The following RAPGEF4 variants were observed in gnomAD, a reference collection of about 807,000 sequenced individuals.
RAPGEF4 encodes Rap guanine nucleotide exchange factor 4.
RAPGEF4 carries 66 observed loss-of-function variants against 147.9 expected under a neutral mutation model. That is an observed-to-expected ratio of 0.45 (90% CI 0.37 to 0.55). RAPGEF4 has a LOEUF of 0.55. RAPGEF4 is among the 20% of genes least tolerant of loss of function. The pLI, the probability that RAPGEF4 is intolerant of heterozygous loss-of-function variation, is 0.00. For missense variants in RAPGEF4, 1,071 were observed against 1,257.3 expected, an observed-to-expected ratio of 0.85 and a Z score of 2.24; for synonymous variants, 419 against 442.7, an observed-to-expected ratio of 0.95 and a Z score of 0.67.
At chr2:173,019,892 T>C (rs75266946) in intron 22 of RAPGEF4, among the ~76,000 whole-genome samples, 8,447 of 152,268 alleles carry the variant, frequency 0.055, 329 homozygotes, top group South Asian at 0.12. Flanking sequence ...CCCACCCCTG[T>C]GATATTTTTT....
At chr2:172,991,003 T>C in intron 15 of RAPGEF4, 78 bp downstream of exon 15, 1 of 1,106,070 alleles carries the variant, frequency 9.0e-7, no homozygotes, top group South Asian at 1.4e-5. Context: ...TACAATAGCA[T>C]GTTCTCCTTT....
intron 23 of RAPGEF4, among the ~76,000 whole-genome samples, chr2:173,023,943 C>T (rs16861191): frequency 0.081 from 12,275 of 152,236 alleles, 505 homozygotes; most frequent in Middle Eastern, 0.14. Context: ...GAGAGGCAGT[C>T]GTAAACCCTA....
intron 4 of RAPGEF4, among the ~76,000 whole-genome samples, chr2:172,886,868 G>A (rs1157653978): frequency 6.6e-6 from 1 of 152,062 alleles, no homozygotes; most frequent in African/African-American, 2.4e-5. Context: ...CCACTTTTAC[G>A]TGGGAAAGCA....
intron 30 of RAPGEF4, among the ~76,000 whole-genome samples, chr2:173,049,066 A>T (rs905539668): frequency 6.6e-6 from 1 of 152,172 alleles, no homozygotes; most frequent in Non-Finnish European, 1.5e-5. Flanking sequence ...AGGAAAGATA[A>T]TATTTATTGT....
At chr2:173,028,215 G>A (rs536320400) in intron 25 of RAPGEF4, among the ~76,000 whole-genome samples, 74 of 152,338 alleles carry the variant, frequency 4.9e-4, no homozygotes, top group African/African-American at 1.7e-3. Context: ...CTGTTAATAT[G>A]GCAAAGCTGG....
At position 172,976,695 on chromosome 2, in the gene RAPGEF4, A is replaced by G. The variant is rs142880764; in HGVS notation, c.1005-6801A>G. Among the ~76,000 whole-genome samples the G allele has an allele frequency of 5.1e-3, 776 of 152,330 alleles. 4 individuals are homozygous for G. The highest frequency in any genetic ancestry group is 8.9e-3 in the Non-Finnish European group (607 of 68,022). On this transcript the variant is annotated intron_variant, in intron 10 of 30. Transcript: ENST00000397081. Reference sequence around the variant, plus strand: ...CTGGAATATTTGCTTTCTTACCTGCATATTTTACTATGGGCCATGCCAATG... The same window carrying G: ...CTGGAATATTTGCTTTCTTACCTGCGTATTTTACTATGGGCCATGCCAATG...
chr2:173,008,661 C>T (rs1336979578), intron 17 of RAPGEF4, among the ~76,000 whole-genome samples: 2 of 151,922 alleles, frequency 1.3e-5, no homozygotes, highest in African/African-American at 4.8e-5. Context: ...TATTTTATTC[C>T]CTGTTGTAGG....
chr2:173,002,149 G>A (rs957246467), intron 17 of RAPGEF4, among the ~76,000 whole-genome samples: 2 of 152,194 alleles, frequency 1.3e-5, no homozygotes, highest in East Asian at 1.9e-4. Flanking sequence ...TTCCTCCTCC[G>A]AGCTATGGTA....
At chr2:172,939,642 AT>A (rs969707074) in intron 6 of RAPGEF4, among the ~76,000 whole-genome samples, 4 of 151,732 alleles carry the variant, frequency 2.6e-5, no homozygotes, top group Admixed American at 6.6e-5. Flanking sequence ...TCCAACATTC[AT>A]TTTTTTTCTT....
intron 4 of RAPGEF4, among the ~76,000 whole-genome samples, chr2:172,840,213 A>AT (rs1372300237): frequency 6.6e-6 from 1 of 152,150 alleles, no homozygotes; most frequent in Non-Finnish European, 1.5e-5. Flanking sequence ...ATGGCTCTCT[A>AT]TTCCTGTCAG....
chr2:172,934,784 A>T (rs544956813), intron 6 of RAPGEF4, among the ~76,000 whole-genome samples: 181 of 152,098 alleles, frequency 1.2e-3, no homozygotes, highest in African/African-American at 4.3e-3. Context: ...CCCTACCCCA[A>T]CATTCTCCCT....
At chr2:172,780,883 A>G (rs575068998) in intron 1 of RAPGEF4, among the ~76,000 whole-genome samples, 1 of 152,318 alleles carries the variant, frequency 6.6e-6, no homozygotes, top group South Asian at 2.1e-4. Flanking sequence ...ACACCATCAA[A>G]TTGCCCTCCA....
intron 6 of RAPGEF4, among the ~76,000 whole-genome samples, chr2:172,933,834 A>T (rs886845643): frequency 6.6e-6 from 1 of 152,254 alleles, no homozygotes; most frequent in Non-Finnish European, 1.5e-5. Flanking sequence ...CTAACAAAGC[A>T]TTATTTAATA....
intron 4 of RAPGEF4, among the ~76,000 whole-genome samples, chr2:172,825,944 T>C (rs1689621852): frequency 6.6e-6 from 1 of 152,246 alleles, no homozygotes; most frequent in Admixed American, 6.5e-5. Flanking sequence ...TTATTAAATA[T>C]TCTTACAAAT....
chr2:172,908,039 A>G (rs1699785753), intron 4 of RAPGEF4, among the ~76,000 whole-genome samples: 1 of 152,162 alleles, frequency 6.6e-6, no homozygotes, highest in Admixed American at 6.5e-5. Context: ...GTGTGATTTA[A>G]ATGTCTGCAC....
chr2:172,953,062 A>T (rs947593880), intron 6 of RAPGEF4, among the ~76,000 whole-genome samples: 3 of 152,060 alleles, frequency 2.0e-5, no homozygotes, highest in African/African-American at 7.2e-5. Context: ...CAGACTCACC[A>T]TGCAGTCTTC....
At chr2:172,980,974 C>T (rs1450618039) in intron 10 of RAPGEF4, among the ~76,000 whole-genome samples, 1 of 152,106 alleles carries the variant, frequency 6.6e-6, no homozygotes, top group Non-Finnish European at 1.5e-5. Flanking sequence ...AAAAGAAATC[C>T]ATAAAAGTTG....
intron 4 of RAPGEF4, among the ~76,000 whole-genome samples, chr2:172,828,937 G>C (rs949570878): frequency 6.6e-6 from 1 of 152,210 alleles, no homozygotes; most frequent in South Asian, 2.1e-4. Context: ...AGGAGATGAC[G>C]ATCCAGATGA....
chr2:172,805,346 G>A (rs1687391082), intron 3 of RAPGEF4, among the ~76,000 whole-genome samples: 1 of 152,182 alleles, frequency 6.6e-6, no homozygotes, highest in Non-Finnish European at 1.5e-5. Context: ...TGTAGGAAAT[G>A]CATAGATTAT....
Sources: allele counts gnomAD v4.1 joint callset (sites outside exome capture counted in the v4.1 genomes callset), GRCh38; gene constraint gnomAD v4.1.1; transcripts MANE v1.5; gene names NCBI Gene and HGNC (gene_info 2026-07-23, HGNC 2026-07-21).